Variants in CSTPP1 observed in about 807,000 individuals in gnomAD.
CSTPP1 encodes the protein UPF0705 protein C11orf49.
the CSTPP1 span, among the ~76,000 whole-genome samples, chr11:46,994,850 A>G: frequency 1.6e-4 from 24 of 151,502 alleles, no homozygotes; most frequent in Middle Eastern, 3.4e-3. Context: ...CAGAAGGAAT[A>G]GTACCAGCTC....
At chr11:47,073,139 A>G in the CSTPP1 span, among the ~76,000 whole-genome samples, 1 of 152,214 alleles carries the variant, frequency 6.6e-6, no homozygotes, top group Non-Finnish European at 1.5e-5. Context: ...CATAGTAAAA[A>G]TAAAGCTATT....
chr11:47,075,733 G>A, the CSTPP1 span, among the ~76,000 whole-genome samples: 149,665 of 151,974 alleles, frequency 0.98, 73,741 homozygotes, highest in Middle Eastern at 1. Flanking sequence ...AGCCTGGCCA[G>A]GGTGGTTAAG....
chr11:47,066,851 A>AATGT, the CSTPP1 span, among the ~76,000 whole-genome samples: 1 of 152,218 alleles, frequency 6.6e-6, no homozygotes, highest in Non-Finnish European at 1.5e-5. Context: ...ACCTTTCTTA[A>AATGT]ATGTATGTAT....
At chr11:47,039,152 T>G in the CSTPP1 span, among the ~76,000 whole-genome samples, 1 of 124,852 alleles carries the variant, frequency 8.0e-6, no homozygotes. Context: ...CAAGGCAGGC[T>G]GCTGGGAGGT....
chr11:46,976,140 A>G, the CSTPP1 span, among the ~76,000 whole-genome samples: 42 of 152,312 alleles, frequency 2.8e-4, 1 homozygote, highest in Admixed American at 2.7e-3. Flanking sequence ...ATGAACCCTC[A>G]GAGGAACTAT....
the CSTPP1 span, among the ~76,000 whole-genome samples, chr11:47,035,037 T>C: frequency 6.6e-6 from 1 of 152,210 alleles, no homozygotes; most frequent in Non-Finnish European, 1.5e-5. Flanking sequence ...GCCTTTCTTA[T>C]AGAAATCCTG....
the CSTPP1 span, among the ~76,000 whole-genome samples, chr11:47,060,258 CTTTTT>C: frequency 2.0e-5 from 2 of 99,014 alleles, no homozygotes; most frequent in African/African-American, 8.1e-5. Context: ...CTTTTCTTTT[CTTTTT>C]TTTTTTTTTT....
At chr11:46,987,639 C>T in the CSTPP1 span, 1 of 207,992 alleles carries the variant, frequency 4.8e-6, no homozygotes, top group South Asian at 1.1e-4. Context: ...TGATGTTCAT[C>T]TAGCCTGTTT....
At chr11:47,066,954 G>A in the CSTPP1 span, among the ~76,000 whole-genome samples, 1 of 152,150 alleles carries the variant, frequency 6.6e-6, no homozygotes, top group Non-Finnish European at 1.5e-5. Context: ...CATGCCATAG[G>A]AACTTAACTC....
chr11:46,943,450 T>C, the CSTPP1 span, among the ~76,000 whole-genome samples: 1 of 152,332 alleles, frequency 6.6e-6, no homozygotes, highest in Non-Finnish European at 1.5e-5. Context: ...TGTGTAGACC[T>C]ATACGTGGAT....
the CSTPP1 span, among the ~76,000 whole-genome samples, chr11:46,976,393 TCACA>T: frequency 0.59 from 88,330 of 148,666 alleles, 27,928 homozygotes; most frequent in Non-Finnish European, 0.72. Context: ...TAGGTTTCAG[TCACA>T]CACACACACA....
the CSTPP1 span, among the ~76,000 whole-genome samples, chr11:47,038,072 TC>T: frequency 2.1e-5 from 2 of 96,496 alleles, no homozygotes; most frequent in African/African-American, 3.0e-5. Flanking sequence ...GCCCCTCACC[TC>T]CCGGATGGGG....
chr11:47,070,075 C>T, the CSTPP1 span, among the ~76,000 whole-genome samples: 6 of 150,656 alleles, frequency 4.0e-5, no homozygotes, highest in South Asian at 4.4e-4. Flanking sequence ...CGTTATTAAA[C>T]GCATTCTCTA....
chr11:47,013,072 T>G, the CSTPP1 span, among the ~76,000 whole-genome samples: 6 of 147,320 alleles, frequency 4.1e-5, no homozygotes, highest in South Asian at 1.3e-3. Context: ...ATATATATTT[T>G]ATTATATAAA....
At chr11:47,110,155 T>C in the CSTPP1 span, among the ~76,000 whole-genome samples, 4 of 152,348 alleles carry the variant, frequency 2.6e-5, no homozygotes, top group Admixed American at 2.6e-4. Flanking sequence ...TTGTTACTTT[T>C]TATTCTCTGT....
At chr11:47,106,793 G>A in the CSTPP1 span, among the ~76,000 whole-genome samples, 1 of 152,134 alleles carries the variant, frequency 6.6e-6, no homozygotes, top group Non-Finnish European at 1.5e-5. Flanking sequence ...CTGCCACCAA[G>A]GTAACCAAGA....
chr11:46,947,765 C>G, the CSTPP1 span, among the ~76,000 whole-genome samples: 1 of 152,158 alleles, frequency 6.6e-6, no homozygotes, highest in African/African-American at 2.4e-5. Context: ...TGATAAAACA[C>G]AAGCTTCAGT....
At chr11:47,155,091 T>C in the CSTPP1 span, 1 of 723,016 alleles carries the variant, frequency 1.4e-6, no homozygotes, top group Non-Finnish European at 2.3e-6. Flanking sequence ...CCCCCGCACT[T>C]TTCCCTTCCT....
chr11:46,974,607 G>A, the CSTPP1 span, among the ~76,000 whole-genome samples: 2 of 151,172 alleles, frequency 1.3e-5, no homozygotes, highest in African/African-American at 4.9e-5. Context: ...TTGGGAGGCC[G>A]AGGTGGGTGG....
Sources: allele counts gnomAD v4.1 joint callset (sites outside exome capture counted in the v4.1 genomes callset), GRCh38; gene constraint gnomAD v4.1.1; transcripts MANE v1.5; gene names NCBI Gene and HGNC (gene_info 2026-07-23, HGNC 2026-07-21).